EXOC6B: variants seen among roughly 807,000 people sequenced by gnomAD.
EXOC6B encodes the protein exocyst complex component 6B, also known as SEC15 homolog B.
In EXOC6B, 54 loss-of-function variants were observed where a neutral mutation model predicts 113.5. That is an observed-to-expected ratio of 0.48 (90% CI 0.38 to 0.60). EXOC6B has a LOEUF of 0.60. EXOC6B is among the 20% of genes least tolerant of loss of function. EXOC6B has a pLI of 0.00. For synonymous variants in EXOC6B, 357 were observed against 339.0 expected (o/e 1.05, Z -0.58); for missense variants, 797 against 977.5 (o/e 0.82, Z 2.46).
intron 6 of EXOC6B, among the ~76,000 whole-genome samples, chr2:72,614,229 A>G (rs1671250504): frequency 6.6e-6 from 1 of 152,186 alleles, no homozygotes; most frequent in African/African-American, 2.4e-5. Flanking sequence ...TTAGAAAGGC[A>G]CTAACAACAA....
Position 72,391,048 on chromosome 2 carries a change from G to T in EXOC6B, c.1981-11178C>A, listed in dbSNP as rs115179356. 2.5e-3 allele frequency among the ~76,000 whole-genome samples: 378 copies of T among 152,172 alleles called. 3 individuals carry two copies. The highest frequency in any genetic ancestry group is 8.7e-3 in the African/African-American group (362 of 41,526). On this transcript the variant is annotated intron_variant, in intron 18 of 21. Coordinates refer to ENST00000272427, the MANE Select transcript of EXOC6B (RefSeq NM_015189.3). ...CAGTCGTTGTCTTCTTACCAGTATT[G>T]CTATGCTTTGCCTGGGTTCACCCTT... is the stretch of plus-strand genomic sequence containing the variant.
chr2:72,447,687 G>A (rs1696668742), intron 18 of EXOC6B, among the ~76,000 whole-genome samples: 2 of 152,168 alleles, frequency 1.3e-5, no homozygotes, highest in African/African-American at 4.8e-5. Flanking sequence ...TTTCAAAGCT[G>A]TATTTCACTA....
At chr2:72,705,126 C>T (rs1678753544) in intron 6 of EXOC6B, among the ~76,000 whole-genome samples, 1 of 151,206 alleles carries the variant, frequency 6.6e-6, no homozygotes, top group Admixed American at 6.6e-5. Flanking sequence ...AAAGCTTATC[C>T]ACCATGATCA....
intron 6 of EXOC6B, among the ~76,000 whole-genome samples, chr2:72,587,476 C>T (rs1705663981): frequency 6.6e-6 from 1 of 152,170 alleles, no homozygotes; most frequent in African/African-American, 2.4e-5. Flanking sequence ...ACTATGCTCA[C>T]TATCTGAGTG....
At chr2:72,799,737 A>G (rs1264146708) in intron 1 of EXOC6B, among the ~76,000 whole-genome samples, 1 of 152,216 alleles carries the variant, frequency 6.6e-6, no homozygotes, top group African/African-American at 2.4e-5. Context: ...TAGAGGTAAG[A>G]TAATTATTAT....
At chr2:72,252,135 T>C (rs1434712507) in intron 20 of EXOC6B, among the ~76,000 whole-genome samples, 1 of 152,200 alleles carries the variant, frequency 6.6e-6, no homozygotes, top group Non-Finnish European at 1.5e-5. Context: ...ATTATTCTAC[T>C]ACTGAGTAGT....
intron 6 of EXOC6B, among the ~76,000 whole-genome samples, chr2:72,610,055 C>T (rs113102671): frequency 0.017 from 2,597 of 152,040 alleles, 70 homozygotes; most frequent in African/African-American, 0.058. Context: ...CTTAGGTGAA[C>T]GAACACAGAG....
chr2:72,432,330 G>A (rs550980614), intron 18 of EXOC6B, among the ~76,000 whole-genome samples: 49 of 152,294 alleles, frequency 3.2e-4, no homozygotes, highest in African/African-American at 1.1e-3. Context: ...TATCACTGAT[G>A]GGCATTCAGG....
intron 6 of EXOC6B, among the ~76,000 whole-genome samples, chr2:72,697,737 G>A (rs148930757): frequency 6.6e-6 from 1 of 152,248 alleles, no homozygotes; most frequent in African/African-American, 2.4e-5. Flanking sequence ...GAAAGTAAGA[G>A]TCTCCATAGT....
chr2:72,271,379 T>C (rs1403784808), intron 20 of EXOC6B, among the ~76,000 whole-genome samples: 1 of 152,130 alleles, frequency 6.6e-6, no homozygotes, highest in Admixed American at 6.6e-5. Flanking sequence ...CATTAAGCAG[T>C]ATCTCTTGAG....
intron 6 of EXOC6B, among the ~76,000 whole-genome samples, chr2:72,701,297 G>A (rs1013915717): frequency 1.4e-5 from 2 of 146,118 alleles, no homozygotes; most frequent in South Asian, 2.2e-4. Context: ...AGCCGAGATC[G>A]TACCACTGCA....
At chr2:72,699,383 G>A (rs1678128838) in intron 6 of EXOC6B, among the ~76,000 whole-genome samples, 1 of 151,762 alleles carries the variant, frequency 6.6e-6, no homozygotes, top group African/African-American at 2.4e-5. Context: ...GGAGGCTGAG[G>A]CAGAGAATCA....
At chr2:72,399,769 C>A (rs1213470673) in intron 18 of EXOC6B, among the ~76,000 whole-genome samples, 1 of 151,880 alleles carries the variant, frequency 6.6e-6, no homozygotes, top group Non-Finnish European at 1.5e-5. Context: ...AACCAAAAAA[C>A]CTTGTGTCAT....
At chr2:72,309,525 C>T (rs746396720) in intron 20 of EXOC6B, among the ~76,000 whole-genome samples, 2 of 152,100 alleles carry the variant, frequency 1.3e-5, no homozygotes, top group Admixed American at 6.5e-5. Flanking sequence ...AGTCATTACC[C>T]ATGCTTATTC....
chr2:72,189,388 A>G (rs1213259989), intron 20 of EXOC6B, among the ~76,000 whole-genome samples: 1 of 152,302 alleles, frequency 6.6e-6, no homozygotes, highest in East Asian at 1.9e-4. Flanking sequence ...TCCTCAGGGT[A>G]TCACCTCTGG....
At chr2:72,785,530 T>C (rs957469530) in intron 1 of EXOC6B, among the ~76,000 whole-genome samples, 2 of 152,256 alleles carry the variant, frequency 1.3e-5, no homozygotes, top group Non-Finnish European at 2.9e-5. Flanking sequence ...TAAACCTCAA[T>C]TCTTGACATC....
intron 20 of EXOC6B, among the ~76,000 whole-genome samples, chr2:72,205,541 G>T (rs1342930163): frequency 1.3e-5 from 2 of 152,122 alleles, no homozygotes; most frequent in Non-Finnish European, 2.9e-5. Context: ...TGGTCAGGAA[G>T]CCCAGACTGA....
At chr2:72,316,408 C>G (rs918120412) in intron 20 of EXOC6B, among the ~76,000 whole-genome samples, 1 of 152,202 alleles carries the variant, frequency 6.6e-6, no homozygotes, top group African/African-American at 2.4e-5. Context: ...GTTCCAGGAA[C>G]TGCCACCTAA....
Position 72,538,277 on chromosome 2 carries a change from G to A in EXOC6B, c.915+21176C>T, listed in dbSNP as rs1017302599. ...TGCCCAAGAAATTTCTTCACTATAA[G>A]AGAGATGGGATAAAATGCTAAGGGT... is the stretch of plus-strand genomic sequence containing the variant. On this transcript the variant is annotated intron_variant, in intron 8 of 21. Coordinates refer to ENST00000272427, the MANE Select transcript of EXOC6B (RefSeq NM_015189.3). 3.3e-5 allele frequency among the ~76,000 whole-genome samples: 5 copies of A among 152,128 alleles called. No individual in the cohort carries two copies. The East Asian group carries it at 7.7e-4, about 24-fold the overall frequency.
Sources: gnomAD v4.1 joint callset for allele counts (sites outside exome capture counted in the v4.1 genomes callset) on GRCh38, gnomAD v4.1.1 for gene constraint, MANE v1.5 for transcripts, NCBI Gene and HGNC (gene_info 2026-07-23, HGNC 2026-07-21) for gene names.